Variants in KCNB2 observed in about 807,000 individuals in gnomAD.
The protein encoded by KCNB2 is potassium voltage-gated channel subfamily B member 2, also known as delayed rectifier potassium channel protein.
Under a neutral mutation model 61.5 loss-of-function variants are expected in KCNB2, and 15 were observed. The observed-to-expected ratio is 0.24, with a 90% CI of 0.16 to 0.38. The LOEUF is 0.38. Among genes scored for constraint, KCNB2 ranks in the 10% least tolerant of loss-of-function variants. KCNB2 has a pLI of 1.00. For missense variants in KCNB2, 828 were observed against 1,125.2 expected (o/e 0.74, Z 3.78); for synonymous variants, 457 against 446.0 (o/e 1.02, Z -0.31).
intron 1 of KCNB2, among the ~76,000 whole-genome samples, chr8:72,566,529 G>T (rs1806627741): frequency 2.7e-5 from 2 of 75,106 alleles, no homozygotes; most frequent in South Asian, 9.1e-4. Context: ...GTGAGACCCT[G>T]TCTCTAAAAA....
chr8:72,758,889 G>A (rs1185123924), intron 2 of KCNB2, among the ~76,000 whole-genome samples: 1 of 152,168 alleles, frequency 6.6e-6, no homozygotes, highest in East Asian at 1.9e-4. Flanking sequence ...AACCTGGTTT[G>A]ACATTTACTT....
At chr8:72,815,695 A>T (rs1809386110) in intron 2 of KCNB2, among the ~76,000 whole-genome samples, 1 of 152,194 alleles carries the variant, frequency 6.6e-6, no homozygotes. Flanking sequence ...AAGGGCAGGG[A>T]GTTGAATCTA....
intron 2 of KCNB2, chr8:72,732,219 A>C (rs1040217745): frequency 2.6e-5 from 4 of 152,224 alleles, no homozygotes; most frequent in Non-Finnish European, 5.9e-5. Flanking sequence ...GTCTATTCAG[A>C]GGCAGCTTAT....
At chr8:72,699,505 A>G (rs1018803504) in intron 2 of KCNB2, among the ~76,000 whole-genome samples, 2 of 152,146 alleles carry the variant, frequency 1.3e-5, no homozygotes, top group Admixed American at 6.6e-5. Context: ...GACATTTGTC[A>G]GATGGGTAGA....
intron 2 of KCNB2, among the ~76,000 whole-genome samples, chr8:72,826,516 C>A (rs1465082990): frequency 6.6e-6 from 1 of 152,110 alleles, no homozygotes; most frequent in African/African-American, 2.4e-5. Flanking sequence ...TGTTCCCGTA[C>A]CTCACGGAGG....
intron 2 of KCNB2, among the ~76,000 whole-genome samples, chr8:72,611,542 A>G (rs1349310252): frequency 1.3e-5 from 2 of 152,166 alleles, no homozygotes; most frequent in East Asian, 1.9e-4. Context: ...TGTATTTTCT[A>G]TGATGAGAAA....
chr8:72,540,921 G>A lies in KCNB2; in HGVS notation c.-94+3036G>A, dbSNP rs1457423143. On this transcript the variant is annotated intron_variant, in intron 1 of 2. Coordinates refer to ENST00000523207, the MANE Select transcript of KCNB2 (RefSeq NM_004770.3). ...TTACTTACTAAATATATATATATAAGGAGAAGAGTGCTTGAATAGAATATA... is the reference window on the plus strand; with the variant it reads ...TTACTTACTAAATATATATATATAAAGAGAAGAGTGCTTGAATAGAATATA... 2.0e-5 allele frequency among the ~76,000 whole-genome samples: 3 copies of A among 151,680 alleles called. No individual in the cohort carries two copies. The East Asian group carries it at 5.8e-4, about 29-fold the overall frequency.
chr8:72,792,716 A>T (rs1808965675), intron 2 of KCNB2, among the ~76,000 whole-genome samples: 1 of 152,232 alleles, frequency 6.6e-6, no homozygotes, highest in Admixed American at 6.5e-5. Context: ...GTTGGAAACC[A>T]CTGACGTCCA....
At chr8:72,704,505 G>C (rs902898658) in intron 2 of KCNB2, among the ~76,000 whole-genome samples, 16 of 40,904 alleles carry the variant, frequency 3.9e-4, no homozygotes, top group South Asian at 1.7e-3. Flanking sequence ...AAGCTGGTGT[G>C]TGTGTGTGTG....
At chr8:72,801,647 C>T (rs1370900235) in intron 2 of KCNB2, among the ~76,000 whole-genome samples, 2 of 152,136 alleles carry the variant, frequency 1.3e-5, no homozygotes, top group Non-Finnish European at 2.9e-5. Flanking sequence ...GTAAACTCTT[C>T]GCTATAATAC....
chr8:72,643,967 A>G (rs1210562898), intron 2 of KCNB2, among the ~76,000 whole-genome samples: 1 of 152,162 alleles, frequency 6.6e-6, no homozygotes, highest in Non-Finnish European at 1.5e-5. Context: ...ATCAAAGGAA[A>G]TAACTTTTGT....
intron 2 of KCNB2, among the ~76,000 whole-genome samples, chr8:72,843,882 C>G (rs1809939518): frequency 1.3e-5 from 2 of 152,132 alleles, no homozygotes; most frequent in Admixed American, 1.3e-4. Flanking sequence ...GGTCTTGACT[C>G]TTTATCCAAT....
At chr8:72,901,061 T>C (rs1383192471) in intron 2 of KCNB2, among the ~76,000 whole-genome samples, 1 of 152,132 alleles carries the variant, frequency 6.6e-6, no homozygotes, top group Non-Finnish European at 1.5e-5. Flanking sequence ...CTATTCACAA[T>C]AGCAAAGACG....
chr8:72,582,639 A>T (rs1190035371), intron 2 of KCNB2, among the ~76,000 whole-genome samples: 1 of 152,150 alleles, frequency 6.6e-6, no homozygotes, highest in African/African-American at 2.4e-5. Flanking sequence ...TAGAGACAAG[A>T]TCTTGCTCTT....
At chr8:72,792,031 T>C (rs951844891) in intron 2 of KCNB2, among the ~76,000 whole-genome samples, 3 of 152,158 alleles carry the variant, frequency 2.0e-5, no homozygotes, top group Non-Finnish European at 4.4e-5. Flanking sequence ...TTTATAGACA[T>C]GGTTCATGTT....
chr8:72,641,784 C>T lies in KCNB2; in HGVS notation c.579+73471C>T, dbSNP rs117649168. On this transcript the variant is annotated intron_variant, in intron 2 of 2. Transcript: ENST00000523207. ...AAATGAATACAGTCATATTACCTACCTCATAGGCTAGTCGTGAGGATCAAT... is the reference window on the plus strand; with the variant it reads ...AAATGAATACAGTCATATTACCTACTTCATAGGCTAGTCGTGAGGATCAAT... 9.9e-3 allele frequency among the ~76,000 whole-genome samples: 1,500 copies of T among 152,158 alleles called. 11 individuals are homozygous for T. The highest frequency in any genetic ancestry group is 0.032 in the South Asian group (156 of 4,820).
At chr8:72,711,930 T>C (rs1384786673) in intron 2 of KCNB2, among the ~76,000 whole-genome samples, 1 of 152,202 alleles carries the variant, frequency 6.6e-6, no homozygotes, top group Non-Finnish European at 1.5e-5. Context: ...AGGCAGAGGC[T>C]GCAGTGAGCT....
chr8:72,862,648 A>C (rs1236842344), intron 2 of KCNB2, among the ~76,000 whole-genome samples: 3 of 152,236 alleles, frequency 2.0e-5, no homozygotes, highest in Non-Finnish European at 4.4e-5. Flanking sequence ...AGGGGGATTC[A>C]ATAATAGCTG....
intron 2 of KCNB2, among the ~76,000 whole-genome samples, chr8:72,927,874 C>G (rs981582682): frequency 6.6e-6 from 1 of 152,300 alleles, no homozygotes; most frequent in Non-Finnish European, 1.5e-5. Flanking sequence ...GCTTCAAAGC[C>G]TTTGCCCACC....
Sources: allele counts gnomAD v4.1 joint callset (sites outside exome capture counted in the v4.1 genomes callset), GRCh38; gene constraint gnomAD v4.1.1; transcripts MANE v1.5; gene names NCBI Gene and HGNC (gene_info 2026-07-23, HGNC 2026-07-21).